The following SMAD5 variants were observed in gnomAD, a reference collection of about 807,000 sequenced individuals.
SMAD5 encodes MAD, mothers against decapentaplegic homolog 5.
A neutral mutation model predicts 43.1 loss-of-function variants in SMAD5; 9 were observed. The ratio of observed to expected loss-of-function variants is 0.21; its 90% CI spans 0.13 to 0.36. The LOEUF (loss-of-function observed/expected upper bound fraction) is 0.36. Among genes scored for constraint, SMAD5 ranks in the 10% least tolerant of loss-of-function variants. SMAD5 has a pLI of 1.00. For missense variants in SMAD5, 348 were observed against 574.0 expected (o/e 0.61, Z 4.02); for synonymous variants, 190 against 192.4 (o/e 0.99, Z 0.10).
At chr5:136,135,175 A>ATGT (rs1400423568) in intron 1 of SMAD5, among the ~76,000 whole-genome samples, 1 of 152,208 alleles carries the variant, frequency 6.6e-6, no homozygotes, top group Non-Finnish European at 1.5e-5. Context: ...CAGTGGCAGA[A>ATGT]TGTTGTTACT....
intron 5 of SMAD5, among the ~76,000 whole-genome samples, chr5:136,164,748 T>C (rs192922971): frequency 9.2e-5 from 14 of 152,278 alleles, no homozygotes; most frequent in African/African-American, 2.9e-4. Flanking sequence ...GTTTTTTCAT[T>C]TCTAGATTAT....
chr5:136,160,832 T>C, intron 3 of SMAD5, 24 bp from the exon 4 acceptor site: 2 of 1,611,234 alleles, frequency 1.2e-6, no homozygotes, highest in Non-Finnish European at 1.7e-6. Context: ...TCCTGACAAA[T>C]GACTTTTGAT....
Position 136,182,325 on chromosome 5 carries a change from A to G in SMAD5, c.*4845A>G, listed in dbSNP as rs1754657525. The stretch of plus-strand genomic sequence containing the variant: ...GATTTATTCATAAAGTATTTTAACT[A>G]TAGGAACTCTAGAAGATAATGGTTA... On this transcript the variant is annotated 3_prime_UTR_variant, in exon 8 of 8. Transcript: ENST00000545279. 6.6e-6 allele frequency: 1 copy of G among 152,024 alleles called. No homozygotes were observed. The highest frequency in any genetic ancestry group is 1.5e-5 in the Non-Finnish European group (1 of 67,980). The allele number at this position is 152,024 out of a possible 1,614,324, so 9.4% of individuals were successfully genotyped here.
At chr5:136,137,755 A>G (rs1752938555) in intron 1 of SMAD5, among the ~76,000 whole-genome samples, 1 of 152,138 alleles carries the variant, frequency 6.6e-6, no homozygotes, top group Non-Finnish European at 1.5e-5. Context: ...CATTCTTTGG[A>G]GATGAAAGTG....
intron 3 of SMAD5, among the ~76,000 whole-genome samples, chr5:136,157,837 C>G (rs1753690265): frequency 6.6e-6 from 1 of 152,096 alleles, no homozygotes; most frequent in South Asian, 2.1e-4. Context: ...GTTAGGGACC[C>G]CTGATCTAAT....
intron 2 of SMAD5, among the ~76,000 whole-genome samples, chr5:136,148,350 C>A (rs995106681): frequency 1.3e-5 from 2 of 151,510 alleles, no homozygotes; most frequent in Non-Finnish European, 3.0e-5. Flanking sequence ...TTACCCTCCT[C>A]CCGAACAAAG....
intron 3 of SMAD5, among the ~76,000 whole-genome samples, chr5:136,158,256 A>T (rs1046498554): frequency 6.6e-6 from 1 of 152,086 alleles, no homozygotes; most frequent in African/African-American, 2.4e-5. Flanking sequence ...ATTTTTGTAT[A>T]TCATAGATTA....
intron 3 of SMAD5, 90 bp downstream of exon 3, chr5:136,154,253 G>A (rs1753560976): frequency 1.3e-6 from 1 of 776,464 alleles, no homozygotes; most frequent in Non-Finnish European, 1.9e-6. Context: ...GTAATGAAAA[G>A]GTTGTATTAG....
In SMAD5 at chr5:136,151,952, G is replaced by T. The variant is rs146825421; in HGVS notation, c.-169-1640G>T. The stretch of plus-strand genomic sequence containing the variant: ...GTCAGCCCTTCTTACAGTTCATTTA[G>T]TACATAACACTTTATACTCTGTGAC... On this transcript the variant is annotated intron_variant, in intron 2 of 7. Transcript: ENST00000545279. Among the ~76,000 whole-genome samples, 71 of 152,102 alleles carry T rather than the reference G, an allele frequency of 4.7e-4. No homozygotes were observed. The East Asian group carries it at 0.013, about 29-fold the overall frequency.
Position 136,178,722 on chromosome 5 carries a change from A to C in SMAD5, c.*1242A>C, listed in dbSNP as rs1754515205. On this transcript the variant is annotated 3_prime_UTR_variant, in exon 8 of 8. Coordinates refer to ENST00000545279, the MANE Select transcript of SMAD5 (RefSeq NM_005903.7). ...CCCCAAGGATAAGGCTACTGATTTGATACTAAATGAATCAGCAGTGGATGT... is the reference window on the plus strand; with the variant it reads ...CCCCAAGGATAAGGCTACTGATTTGCTACTAAATGAATCAGCAGTGGATGT... The C allele has an allele frequency of 1.3e-5, 2 of 152,190 alleles. No homozygotes were observed. Among genetic ancestry groups the C allele is most frequent in the African/African-American group, 4.8e-5 (2 of 41,430 alleles). 9.4% of individuals were successfully genotyped at this position (152,190 alleles called of 1,614,324 possible).
At chr5:136,175,010 A>G (rs975548757) in intron 7 of SMAD5, among the ~76,000 whole-genome samples, 1 of 152,238 alleles carries the variant, frequency 6.6e-6, no homozygotes, top group Non-Finnish European at 1.5e-5. Context: ...TCACAGTTCC[A>G]CGTGGCTGGG....
intron 5 of SMAD5, among the ~76,000 whole-genome samples, chr5:136,170,547 T>C (rs111341951): frequency 2.6e-5 from 4 of 152,290 alleles, no homozygotes; most frequent in East Asian, 1.9e-4. Context: ...TCCTTTGATA[T>C]TGTGTTGGCT....
chr5:136,137,811 T>C (rs1203752675), intron 1 of SMAD5, among the ~76,000 whole-genome samples: 1 of 152,152 alleles, frequency 6.6e-6, no homozygotes, highest in African/African-American at 2.4e-5. Flanking sequence ...TTACCCAGAG[T>C]CATGTTTATT....
intron 5 of SMAD5, among the ~76,000 whole-genome samples, chr5:136,165,516 C>G (rs967193349): frequency 1.3e-5 from 2 of 152,020 alleles, no homozygotes; most frequent in Admixed American, 6.6e-5. Flanking sequence ...TTCTATAGCT[C>G]TTTTCACCTT....
chr5:136,158,716 G>A (rs1418537811), intron 3 of SMAD5, among the ~76,000 whole-genome samples: 4 of 152,094 alleles, frequency 2.6e-5, no homozygotes, highest in Admixed American at 2.6e-4. Context: ...TGGCTAATAC[G>A]GTGAAACCCC....
intron 4 of SMAD5, among the ~76,000 whole-genome samples, chr5:136,161,311 C>A (rs1466253836): frequency 6.6e-6 from 1 of 152,076 alleles, no homozygotes; most frequent in Non-Finnish European, 1.5e-5. Flanking sequence ...ATGGAAGTAG[C>A]CCTATTTGAC....
Position 136,157,714 on chromosome 5 carries a change from G to A in SMAD5, c.404-3142G>A, listed in dbSNP as rs369371864. 9.8e-5 allele frequency among the ~76,000 whole-genome samples: 15 copies of A among 152,290 alleles called. No individual in the cohort carries two copies. The South Asian group carries it at 1.4e-3, about 15-fold the overall frequency. ...ATCTGACAGGAGGCGGAGTTCAGGC[G>A]GTAGTGAGAGCAATGGGGAGTGGCT... On this transcript the variant is annotated intron_variant, in intron 3 of 7. Transcript: ENST00000545279.
At chr5:136,171,200 G>T (rs1245297916) in intron 5 of SMAD5, among the ~76,000 whole-genome samples, 1 of 152,070 alleles carries the variant, frequency 6.6e-6, no homozygotes, top group Non-Finnish European at 1.5e-5. Flanking sequence ...TCAAGCTGAG[G>T]AAGTTCCCCT....
At chr5:136,134,824 A>G (rs1441859918) in intron 1 of SMAD5, 1 of 152,046 alleles carries the variant, frequency 6.6e-6, no homozygotes, top group Non-Finnish European at 1.5e-5. Context: ...ACTGCTGTTA[A>G]TTTACCCATG....
Sources: gnomAD v4.1 joint callset for allele counts (sites outside exome capture counted in the v4.1 genomes callset) on GRCh38, gnomAD v4.1.1 for gene constraint, MANE v1.5 for transcripts, NCBI Gene and HGNC (gene_info 2026-07-23, HGNC 2026-07-21) for gene names.